CACNA2D3: variants seen among roughly 807,000 people sequenced by gnomAD.
CACNA2D3 encodes the protein voltage-dependent calcium channel subunit alpha-2/delta-3.
CACNA2D3 carries 60 observed loss-of-function variants against 160.6 expected under a neutral mutation model. The observed-to-expected ratio is 0.37, with a 90% CI of 0.30 to 0.46. CACNA2D3 has a LOEUF of 0.46. CACNA2D3 is among the 20% of genes least tolerant of loss of function. The pLI, the probability that CACNA2D3 is intolerant of heterozygous loss-of-function variation, is 1.00. For missense variants in CACNA2D3, 1,205 were observed against 1,365.0 expected (o/e 0.88, Z 1.85); for synonymous variants, 558 against 492.9 (o/e 1.13, Z -1.75).
Position 54,642,170 on chromosome 3 carries a change from A to T in CACNA2D3, c.1096A>T (p.Met366Leu), listed in dbSNP as rs1699535699. Residue 366 changes from methionine to leucine, a missense_variant, in exon 11 of 38, where the codon ATG (methionine) becomes TTG (leucine). Transcript: ENST00000474759. Reference sequence around the variant, plus strand: ...AGGAAGTATCTGCAGTCAGGCCATCATGCTCATAACTGATGGGGCGGTGGA... The same window carrying T: ...AGGAAGTATCTGCAGTCAGGCCATCTTGCTCATAACTGATGGGGCGGTGGA... The part of the protein sequence containing the change: ...GQGSICSQAI[M>L]LITDGAVDTY... 1 of 1,613,280 alleles carries T rather than the reference A, an allele frequency of 6.2e-7. No individual in the cohort carries two copies. The highest frequency in any genetic ancestry group is 1.3e-5 in the African/African-American group (1 of 74,904).
At chr3:54,629,714 T>C (rs900449761) in intron 10 of CACNA2D3, among the ~76,000 whole-genome samples, 2 of 152,158 alleles carry the variant, frequency 1.3e-5, no homozygotes, top group Admixed American at 1.3e-4. Flanking sequence ...AGGGCTTGGG[T>C]CTCTGCATCT....
At chr3:55,002,406 T>A (rs576342979) in intron 31 of CACNA2D3, among the ~76,000 whole-genome samples, 3 of 152,282 alleles carry the variant, frequency 2.0e-5, no homozygotes, top group Admixed American at 2.0e-4. Context: ...TGTAGAAATC[T>A]CCTGAGTGAG....
At chr3:54,764,135 C>A in intron 12 of CACNA2D3, 83 bp from the exon 13 acceptor site, 1 of 1,460,704 alleles carries the variant, frequency 6.8e-7, no homozygotes. Context: ...AGCTAGAGGG[C>A]AAGAAGGCAT....
At chr3:54,215,160 C>G (rs74588788) in intron 2 of CACNA2D3, among the ~76,000 whole-genome samples, 1 of 152,188 alleles carries the variant, frequency 6.6e-6, no homozygotes, top group African/African-American at 2.4e-5. Flanking sequence ...AGTTCTGTCC[C>G]CATTTTATCT....
intron 3 of CACNA2D3, among the ~76,000 whole-genome samples, chr3:54,369,759 T>A (rs1698891021): frequency 6.6e-6 from 1 of 152,208 alleles, no homozygotes; most frequent in Non-Finnish European, 1.5e-5. Context: ...CTTCCTGGCC[T>A]CAGTAGTGGC....
chr3:54,167,456 G>A (rs923657115), intron 2 of CACNA2D3, among the ~76,000 whole-genome samples: 1 of 152,092 alleles, frequency 6.6e-6, no homozygotes, highest in African/African-American at 2.4e-5. Context: ...GCCATACACC[G>A]CAGAGCCTGG....
intron 13 of CACNA2D3, among the ~76,000 whole-genome samples, chr3:54,783,065 A>G (rs577867263): frequency 6.6e-6 from 1 of 152,180 alleles, no homozygotes; most frequent in Non-Finnish European, 1.5e-5. Flanking sequence ...GGGATAATTC[A>G]TGGAACAAAT....
chr3:54,354,076 C>T (rs1239265094), intron 3 of CACNA2D3, among the ~76,000 whole-genome samples: 2 of 152,170 alleles, frequency 1.3e-5, no homozygotes, highest in Admixed American at 1.3e-4. Flanking sequence ...CCAAGCTACA[C>T]ACATTCAAGG....
At chr3:54,640,997 G>T (rs1349571879) in intron 10 of CACNA2D3, among the ~76,000 whole-genome samples, 1 of 149,576 alleles carries the variant, frequency 6.7e-6, no homozygotes, top group Non-Finnish European at 1.5e-5. Context: ...CCCACCTCTT[G>T]TGTATTTTTT....
chr3:54,783,385 C>T (rs2107133589), intron 13 of CACNA2D3, among the ~76,000 whole-genome samples: 1 of 152,262 alleles, frequency 6.6e-6, no homozygotes. Context: ...GCAGGCAGAT[C>T]ACTTGAGGTC....
intron 9 of CACNA2D3, among the ~76,000 whole-genome samples, chr3:54,598,301 G>A (rs1417825165): frequency 1.4e-4 from 6 of 42,432 alleles, no homozygotes; most frequent in Non-Finnish European, 2.5e-4. Context: ...GCGAGACTCC[G>A]TCTCACAAAA....
chr3:54,690,015 A>G (rs1003418622), intron 11 of CACNA2D3, among the ~76,000 whole-genome samples: 35 of 152,080 alleles, frequency 2.3e-4, no homozygotes, highest in African/African-American at 8.2e-4. Flanking sequence ...TGAGACAAGC[A>G]GGCACTCTCC....
chr3:54,910,497 A>G (rs1164608845), intron 27 of CACNA2D3, among the ~76,000 whole-genome samples: 1 of 152,062 alleles, frequency 6.6e-6, no homozygotes, highest in Non-Finnish European at 1.5e-5. Context: ...CACCATGTTG[A>G]TCACTTTCTC....
chr3:54,662,149 G>A (rs1257771711), intron 11 of CACNA2D3, among the ~76,000 whole-genome samples: 1 of 151,844 alleles, frequency 6.6e-6, no homozygotes, highest in Non-Finnish European at 1.5e-5. Context: ...CTGCCTGATA[G>A]GAAGTTCCTT....
intron 2 of CACNA2D3, among the ~76,000 whole-genome samples, chr3:54,165,799 A>G (rs1347843580): frequency 6.6e-6 from 1 of 152,042 alleles, no homozygotes; most frequent in African/African-American, 2.4e-5. Context: ...CCCTGTCTCT[A>G]AAAACAACAA....
At chr3:54,964,489 C>G (rs1287597809) in intron 27 of CACNA2D3, among the ~76,000 whole-genome samples, 1 of 151,940 alleles carries the variant, frequency 6.6e-6, no homozygotes, top group African/African-American at 2.4e-5. Context: ...ATTAAATTAG[C>G]AAGACTGACT....
At chr3:54,331,807 TA>T (rs753485141) in intron 3 of CACNA2D3, among the ~76,000 whole-genome samples, 10 of 152,216 alleles carry the variant, frequency 6.6e-5, no homozygotes, top group Non-Finnish European at 1.3e-4. Context: ...CCTCACCTAT[TA>T]AAAGTTCTAT....
At chr3:54,279,916 A>C (rs936823424) in intron 2 of CACNA2D3, among the ~76,000 whole-genome samples, 1 of 152,090 alleles carries the variant, frequency 6.6e-6, no homozygotes, top group Non-Finnish European at 1.5e-5. Flanking sequence ...ACACGAAGCA[A>C]AGGTTCCCTA....
intron 11 of CACNA2D3, among the ~76,000 whole-genome samples, chr3:54,741,143 G>A (rs1039752263): frequency 6.6e-6 from 1 of 152,140 alleles, no homozygotes; most frequent in African/African-American, 2.4e-5. Flanking sequence ...CTCATGGTGG[G>A]GGTGGATGGC....
Sources: allele counts gnomAD v4.1 joint callset (sites outside exome capture counted in the v4.1 genomes callset), GRCh38; gene constraint gnomAD v4.1.1; transcripts MANE v1.5; gene names NCBI Gene and HGNC (gene_info 2026-07-23, HGNC 2026-07-21).